The following SRGN variants were observed in gnomAD, a reference collection of about 807,000 sequenced individuals.
SRGN encodes the protein hematopoetic proteoglycan core peptide.
In SRGN, 2 loss-of-function variants were observed where a neutral mutation model predicts 9.5. The observed-to-expected ratio is 0.21, with a 90% CI of 0.09 to 0.66. The LOEUF (loss-of-function observed/expected upper bound fraction) is 0.66, where lower values mean the gene tolerates loss of function less well. Ranked by LOEUF, SRGN falls within the 30% of genes least tolerant of loss-of-function variation. The pLI is 0.83. For missense variants in SRGN, 170 were observed against 192.4 expected (o/e 0.88, Z 0.69); for synonymous variants, 59 against 72.3 (o/e 0.82, Z 0.93).
intron 1 of SRGN, among the ~76,000 whole-genome samples, chr10:69,096,101 G>T (rs1048465568): frequency 3.3e-5 from 5 of 152,122 alleles, no homozygotes; most frequent in Non-Finnish European, 5.9e-5. Context: ...AGGACAAATT[G>T]TTATCTACTT....
chr10:69,103,801 A>T, intron 2 of SRGN, 70 bp from the exon 3 acceptor site: 1 of 1,516,422 alleles, frequency 6.6e-7, no homozygotes, highest in Non-Finnish European at 8.9e-7. Context: ...TATTAAAAAA[A>T]CTATTATAAT....
At chr10:69,088,715 CTTT>C (rs111988454) in intron 1 of SRGN, among the ~76,000 whole-genome samples, 1 of 143,874 alleles carries the variant, frequency 7.0e-6, no homozygotes. Flanking sequence ...ATTTTCTTTT[CTTT>C]TTTTTTTTTT....
chr10:69,089,918 AGAAAGAAAG>A (rs1840015434), intron 1 of SRGN, among the ~76,000 whole-genome samples: 1 of 152,078 alleles, frequency 6.6e-6, no homozygotes, highest in African/African-American at 2.4e-5. Context: ...AGAGAGAGAG[AGAAAGAAAG>A]GAAAGAAAGA....
At chr10:69,094,856 T>C (rs1011695000) in intron 1 of SRGN, among the ~76,000 whole-genome samples, 37 of 151,432 alleles carry the variant, frequency 2.4e-4, no homozygotes, top group African/African-American at 9.0e-4. Context: ...CCCACCTCAG[T>C]CTCCCAAAGT....
chr10:69,089,015 C>T (rs7910971), intron 1 of SRGN, among the ~76,000 whole-genome samples: 28,678 of 152,012 alleles, frequency 0.19, 3,323 homozygotes, highest in Non-Finnish European at 0.25. Flanking sequence ...CTAAATAAGA[C>T]GGAGGTCATG....
intron 2 of SRGN, among the ~76,000 whole-genome samples, chr10:69,100,118 C>T (rs950748603): frequency 2.0e-5 from 3 of 152,084 alleles, no homozygotes; most frequent in Admixed American, 1.3e-4. Flanking sequence ...ATTGAGAGGC[C>T]GAGGCAGGCA....
At chr10:69,089,505 T>C (rs1162022050) in intron 1 of SRGN, among the ~76,000 whole-genome samples, 1 of 152,158 alleles carries the variant, frequency 6.6e-6, no homozygotes, top group Non-Finnish European at 1.5e-5. Flanking sequence ...AGTCTTTATG[T>C]TGTCAAAATT....
upstream of SRGN, chr10:69,087,999 T>G: frequency 3.2e-6 from 2 of 623,636 alleles, no homozygotes; most frequent in South Asian, 1.9e-5. Flanking sequence ...TTTCTGGGTT[T>G]TGATGTGGAT....
At chr10:69,097,655 C>A (rs535928022) in intron 2 of SRGN, among the ~76,000 whole-genome samples, 1 of 152,066 alleles carries the variant, frequency 6.6e-6, no homozygotes, top group Non-Finnish European at 1.5e-5. Context: ...TCTCGATCTC[C>A]TGACCTAGTG....
chr10:69,092,090 G>A (rs1461991724), intron 1 of SRGN, among the ~76,000 whole-genome samples: 1 of 151,846 alleles, frequency 6.6e-6, no homozygotes, highest in African/African-American at 2.4e-5. Context: ...GGTGGGCAGT[G>A]AGGGATAGGA....
At chr10:69,087,854 C>T (rs1048065520), upstream of SRGN, among the ~76,000 whole-genome samples, 8 of 151,352 alleles carry the variant, frequency 5.3e-5, no homozygotes, top group Non-Finnish European at 8.8e-5. Context: ...TCTACTGTTT[C>T]GGTGGGAAAA....
At chr10:69,103,840 GT>G (rs772906999) in intron 2 of SRGN, 30 bp from the exon 3 acceptor site, 8 of 1,606,568 alleles carry the variant, frequency 5.0e-6, no homozygotes, top group Middle Eastern at 1.7e-4. Flanking sequence ...AACTCCACTG[GT>G]TTTTTTCCCA....
intron 1 of SRGN, among the ~76,000 whole-genome samples, chr10:69,092,482 A>G (rs1840084463): frequency 6.6e-6 from 1 of 152,168 alleles, no homozygotes; most frequent in Admixed American, 6.5e-5. Flanking sequence ...CATACAGTTC[A>G]CCCATTAAAA....
chr10:69,103,432 A>T (rs760153891), intron 2 of SRGN, among the ~76,000 whole-genome samples: 4 of 151,672 alleles, frequency 2.6e-5, no homozygotes, highest in Non-Finnish European at 5.9e-5. Flanking sequence ...TGTCCCAGCT[A>T]CTCGGGAGGC....
At chr10:69,101,974 G>A (rs888279090) in intron 2 of SRGN, among the ~76,000 whole-genome samples, 4 of 152,078 alleles carry the variant, frequency 2.6e-5, no homozygotes, top group African/African-American at 7.2e-5. Flanking sequence ...GCTTGAGTCC[G>A]GGAGGGTGAG....
At chr10:69,092,979 A>G (rs1038990916) in intron 1 of SRGN, among the ~76,000 whole-genome samples, 1 of 152,174 alleles carries the variant, frequency 6.6e-6, no homozygotes, top group African/African-American at 2.4e-5. Flanking sequence ...TTTTACTAAT[A>G]TGCTACAGTT....
chr10:69,088,089 G>C, upstream of SRGN: 20 of 1,354,330 alleles, frequency 1.5e-5, no homozygotes, highest in South Asian at 2.3e-4. Context: ...AAAAGGGACA[G>C]AGAGCACCCT....
Position 69,104,527 on chromosome 10 carries a change from CAA to C in SRGN, c.*417_*418del, listed in dbSNP as rs11310039. 1,622 of 152,828 alleles carry C rather than the reference CAA, an allele frequency of 0.011. 26 individuals are homozygous for C. The highest frequency in any genetic ancestry group is 0.03 in the African/African-American group (1,231 of 41,012). 9.5% of individuals were successfully genotyped at this position (152,828 alleles called of 1,614,324 possible). On this transcript the variant is annotated 3_prime_UTR_variant, in exon 3 of 3. Coordinates refer to ENST00000242465, the MANE Select transcript of SRGN (RefSeq NM_002727.4). ...TGATATGCCCCTTTTCTTATAAAAA[CAA>C]AAAAAAAAATAATGAAACACAGTGA...
chr10:69,088,074 T>A (rs1839973058), upstream of SRGN: 1 of 1,223,936 alleles, frequency 8.2e-7, no homozygotes, highest in Non-Finnish European at 1.2e-6. Flanking sequence ...TTTGGAACAT[T>A]TTCTAAAAGG....
Sources: gnomAD v4.1 joint callset for allele counts (sites outside exome capture counted in the v4.1 genomes callset) on GRCh38, gnomAD v4.1.1 for gene constraint, MANE v1.5 for transcripts, NCBI Gene and HGNC (gene_info 2026-07-23, HGNC 2026-07-21) for gene names.